Variants in TMEM181 observed in about 807,000 individuals in gnomAD.
TMEM181 encodes transmembrane protein 181.
TMEM181 carries 39 observed loss-of-function variants against 71.9 expected under a neutral mutation model. The observed-to-expected ratio is 0.54, with a 90% CI of 0.42 to 0.71. The LOEUF is 0.71. Ranked by LOEUF, TMEM181 falls within the 30% of genes least tolerant of loss-of-function variation. The pLI is 0.00. For missense variants in TMEM181, 595 were observed against 583.0 expected, an observed-to-expected ratio of 1.02 and a Z score of -0.21; for synonymous variants, 245 against 228.8, an observed-to-expected ratio of 1.07 and a Z score of -0.64.
chr6:158,551,658 C>T (rs941956409), intron 1 of TMEM181, among the ~76,000 whole-genome samples: 4 of 152,084 alleles, frequency 2.6e-5, no homozygotes, highest in Non-Finnish European at 4.4e-5. Flanking sequence ...ACAAATTTTA[C>T]ATAATCTTTA....
At chr6:158,541,356 G>A (rs1367134563) in intron 1 of TMEM181, among the ~76,000 whole-genome samples, 1 of 152,184 alleles carries the variant, frequency 6.6e-6, no homozygotes, top group Non-Finnish European at 1.5e-5. Flanking sequence ...GGCAGGGGTT[G>A]CAGTGAGTTG....
chr6:158,631,796 C>T lies in TMEM181; in HGVS notation c.1350-14C>T. On this transcript the variant is annotated splice_polypyrimidine_tract_variant and intron_variant, in intron 16 of 16. Transcript: ENST00000684151. ...TCAGAAGTTAGACGGTCTCAAAGGT[C>T]TCTTTGCTCACAGGAGTGACTATGA... 1 of 1,589,248 alleles carries T rather than the reference C, an allele frequency of 6.3e-7. No individual in the cohort carries two copies. The highest frequency in any genetic ancestry group is 8.6e-7 in the Non-Finnish European group (1 of 1,167,028).
chr6:158,575,275 T>C (rs1259374389), intron 2 of TMEM181, among the ~76,000 whole-genome samples: 1 of 152,220 alleles, frequency 6.6e-6, no homozygotes, highest in Non-Finnish European at 1.5e-5. Flanking sequence ...TTAGGGACTA[T>C]TGGCTTAGTA....
chr6:158,630,989 G>T (rs916102091), intron 15 of TMEM181, among the ~76,000 whole-genome samples: 4 of 152,208 alleles, frequency 2.6e-5, no homozygotes, highest in African/African-American at 9.6e-5. Flanking sequence ...GGGCAGGCAG[G>T]GCAGAGCCAC....
At chr6:158,560,280 C>T (rs975632679) in intron 1 of TMEM181, 48 bp downstream of exon 1, 1 of 985,142 alleles carries the variant, frequency 1.0e-6, no homozygotes, top group African/African-American at 1.7e-5. Context: ...CCGGACACTC[C>T]GGCCGAAAGT....
chr6:158,566,883 TA>T lies in TMEM181; in HGVS notation c.9-6535del, dbSNP rs567584537. On this transcript the variant is annotated intron_variant, in intron 1 of 16. Transcript: ENST00000684151. ...AGTCTTTTGGGAAAGAAAAGATGAA[TA>T]ATGAGGGGAGACCTGGCTCACGGTG... 8.2e-4 allele frequency among the ~76,000 whole-genome samples: 125 copies of T among 152,316 alleles called. 3 individuals are homozygous for T. In the South Asian group the frequency reaches 0.025, roughly 30 times the overall value.
At chr6:158,612,820 G>C (rs1342034987) in intron 10 of TMEM181, among the ~76,000 whole-genome samples, 1 of 152,216 alleles carries the variant, frequency 6.6e-6, no homozygotes. Flanking sequence ...TTGTCTGTCT[G>C]ATATCCTACC....
chr6:158,584,147 G>A, intron 4 of TMEM181, 103 bp downstream of exon 4: 2 of 846,568 alleles, frequency 2.4e-6, no homozygotes, highest in Non-Finnish European at 3.6e-6. Context: ...CTCAAAGATA[G>A]ATGTATAAGG....
chr6:158,542,135 G>C (rs535554535), intron 1 of TMEM181, among the ~76,000 whole-genome samples: 55 of 152,048 alleles, frequency 3.6e-4, no homozygotes, highest in South Asian at 2.1e-3. Flanking sequence ...TCGAACCCCT[G>C]ACCTCAAGCG....
chr6:158,626,772 GCT>G, intron 13 of TMEM181: 1 of 422,784 alleles, frequency 2.4e-6, no homozygotes, highest in Non-Finnish European at 4.8e-6. Context: ...TCACATAGAG[GCT>G]CACTCACACC....
intron 6 of TMEM181, among the ~76,000 whole-genome samples, chr6:158,600,453 G>A (rs902739966): frequency 7.9e-6 from 1 of 126,944 alleles, no homozygotes. Flanking sequence ...CCTGGCCTAG[G>A]GTTAATTTTT....
chr6:158,573,821 C>T (rs539404454), intron 2 of TMEM181, among the ~76,000 whole-genome samples: 4 of 152,234 alleles, frequency 2.6e-5, no homozygotes, highest in South Asian at 2.1e-4. Flanking sequence ...CTGCTGTGCA[C>T]GAGACCCAGC....
chr6:158,587,944 C>T (rs1466641433), intron 5 of TMEM181, among the ~76,000 whole-genome samples: 1 of 152,164 alleles, frequency 6.6e-6, no homozygotes, highest in Non-Finnish European at 1.5e-5. Flanking sequence ...GATTTTAAGC[C>T]ATCCCTTCCT....
chr6:158,594,105 T>C (rs1383819580), intron 6 of TMEM181, among the ~76,000 whole-genome samples: 1 of 148,312 alleles, frequency 6.7e-6, no homozygotes, highest in Non-Finnish European at 1.5e-5. Flanking sequence ...TTGCCTTTTT[T>C]TTTTTTTTTT....
At chr6:158,545,117 A>C (rs1781484997) in intron 1 of TMEM181, among the ~76,000 whole-genome samples, 1 of 152,236 alleles carries the variant, frequency 6.6e-6, no homozygotes. Flanking sequence ...CGGCTTGCTC[A>C]GCCGTGGGCT....
chr6:158,609,434 T>C (rs764690721), intron 10 of TMEM181, among the ~76,000 whole-genome samples: 2 of 152,076 alleles, frequency 1.3e-5, no homozygotes, highest in Non-Finnish European at 2.9e-5. Context: ...TCACACTCCT[T>C]CTTTGCTCCT....
At chr6:158,598,194 C>T (rs1784486609) in intron 6 of TMEM181, among the ~76,000 whole-genome samples, 1 of 152,210 alleles carries the variant, frequency 6.6e-6, no homozygotes, top group South Asian at 2.1e-4. Context: ...GTTCTTTTCT[C>T]CTGAGATTTT....
intron 1 of TMEM181, among the ~76,000 whole-genome samples, chr6:158,565,714 G>C (rs1428484205): frequency 6.6e-6 from 1 of 152,234 alleles, no homozygotes; most frequent in Non-Finnish European, 1.5e-5. Context: ...TGGCCTCTGG[G>C]GGTGGGAGGG....
chr6:158,607,808 A>G (rs1278794034), intron 8 of TMEM181, among the ~76,000 whole-genome samples: 1 of 152,268 alleles, frequency 6.6e-6, no homozygotes, highest in Non-Finnish European at 1.5e-5. Context: ...GAGCTGGGGC[A>G]GATGCCTGGC....
Sources: gnomAD v4.1 joint callset for allele counts (sites outside exome capture counted in the v4.1 genomes callset) on GRCh38, gnomAD v4.1.1 for gene constraint, MANE v1.5 for transcripts, NCBI Gene and HGNC (gene_info 2026-07-23, HGNC 2026-07-21) for gene names.